The following CNTN5 variants were observed in gnomAD, a reference collection of about 807,000 sequenced individuals.
CNTN5 encodes the protein contactin-5.
A neutral mutation model predicts 129.1 loss-of-function variants in CNTN5; 77 were observed. That is an observed-to-expected ratio of 0.60 (90% CI 0.50 to 0.72). The LOEUF is 0.72. Among genes scored for constraint, CNTN5 ranks in the 30% least tolerant of loss-of-function variants. CNTN5 has a pLI of 0.00. For synonymous variants in CNTN5, 509 were observed against 465.6 expected (o/e 1.09, Z -1.20); for missense variants, 1,478 against 1,328.8 (o/e 1.11, Z -1.75).
chr11:99,490,594 G>T (rs1055518161), intron 2 of CNTN5, among the ~76,000 whole-genome samples: 1 of 152,142 alleles, frequency 6.6e-6, no homozygotes, highest in African/African-American at 2.4e-5. Context: ...TGATCCCAGT[G>T]AGTAGAAGTG....
At chr11:100,121,405 A>G (rs1019238376) in intron 13 of CNTN5, among the ~76,000 whole-genome samples, 1 of 151,812 alleles carries the variant, frequency 6.6e-6, no homozygotes, top group Non-Finnish European at 1.5e-5. Context: ...AAGGAAATAG[A>G]GGAGATTTTT....
At chr11:99,400,664 C>T (rs1448220331) in intron 2 of CNTN5, among the ~76,000 whole-genome samples, 1 of 152,072 alleles carries the variant, frequency 6.6e-6, no homozygotes, top group Admixed American at 6.6e-5. Flanking sequence ...AAACCCTTCT[C>T]CAAAGTGGGT....
intron 7 of CNTN5, among the ~76,000 whole-genome samples, chr11:99,950,712 A>G (rs999332655): frequency 6.6e-5 from 10 of 152,320 alleles, no homozygotes; most frequent in South Asian, 4.1e-4. Flanking sequence ...TAGCTCCCCT[A>G]TTGAGCAGTT....
chr11:99,391,152 A>G (rs1941238938), intron 2 of CNTN5, among the ~76,000 whole-genome samples: 3 of 152,150 alleles, frequency 2.0e-5, no homozygotes, highest in Admixed American at 6.6e-5. Context: ...ACAATGTGAA[A>G]GGTAAAGTCT....
chr11:99,840,112 T>C (rs558944724), intron 4 of CNTN5, among the ~76,000 whole-genome samples: 1 of 152,262 alleles, frequency 6.6e-6, no homozygotes. Flanking sequence ...TTAAAAATGA[T>C]GACAGTTAGG....
At chr11:99,508,098 G>T (rs1189987251) in intron 2 of CNTN5, among the ~76,000 whole-genome samples, 1 of 152,176 alleles carries the variant, frequency 6.6e-6, no homozygotes, top group Non-Finnish European at 1.5e-5. Context: ...TGTTAGGACA[G>T]AGTTATGTTT....
chr11:100,174,599 G>A (rs1288196743), intron 13 of CNTN5, among the ~76,000 whole-genome samples: 2 of 152,106 alleles, frequency 1.3e-5, no homozygotes, highest in Admixed American at 6.6e-5. Context: ...TGCCTGTGAC[G>A]AATACCTTGT....
At chr11:99,448,634 T>G (rs1457549352) in intron 2 of CNTN5, among the ~76,000 whole-genome samples, 2 of 152,016 alleles carry the variant, frequency 1.3e-5, no homozygotes, top group Non-Finnish European at 2.9e-5. Flanking sequence ...ATTCTGCACC[T>G]GAAAATGCCT....
intron 2 of CNTN5, among the ~76,000 whole-genome samples, chr11:99,403,008 CT>C (rs56376015): frequency 2.1e-5 from 3 of 142,154 alleles, no homozygotes; most frequent in African/African-American, 5.1e-5. Flanking sequence ...TGTTAAACTT[CT>C]TTTTTTTTTT....
intron 2 of CNTN5, among the ~76,000 whole-genome samples, chr11:99,548,808 C>T (rs1948383727): frequency 6.6e-6 from 1 of 152,044 alleles, no homozygotes; most frequent in South Asian, 2.1e-4. Flanking sequence ...TTTCCATTTT[C>T]AATATGATGT....
chr11:100,022,604 G>A (rs528443003), intron 9 of CNTN5, among the ~76,000 whole-genome samples: 2 of 152,248 alleles, frequency 1.3e-5, no homozygotes, highest in East Asian at 3.9e-4. Context: ...ATTTGTCCAT[G>A]TAGTTACCAT....
chr11:100,098,157 C>G (rs1248504354), intron 13 of CNTN5, among the ~76,000 whole-genome samples: 4 of 151,938 alleles, frequency 2.6e-5, no homozygotes, highest in Non-Finnish European at 5.9e-5. Context: ...GACTTTAAAG[C>G]TTCTGTCCAA....
intron 8 of CNTN5, among the ~76,000 whole-genome samples, chr11:100,000,790 C>A (rs1939815681): frequency 6.6e-6 from 1 of 152,178 alleles, no homozygotes; most frequent in Non-Finnish European, 1.5e-5. Flanking sequence ...GGTTGCCAAA[C>A]CTGAACTCTT....
At chr11:99,733,665 C>A (rs1201543842) in intron 3 of CNTN5, among the ~76,000 whole-genome samples, 3 of 152,122 alleles carry the variant, frequency 2.0e-5, no homozygotes, top group Non-Finnish European at 4.4e-5. Flanking sequence ...TGTATTGAAC[C>A]TGTGAGAATC....
Position 100,334,607 on chromosome 11 carries a change from A to G in CNTN5, c.2731-5856A>G, listed in dbSNP as rs150553438. Reference sequence around the variant, plus strand: ...AATCCTGCTCAGCCATATTAAAAAAAAGAATGAAATAATGGCTTCACAGCA... The same window carrying G: ...AATCCTGCTCAGCCATATTAAAAAAGAGAATGAAATAATGGCTTCACAGCA... On this transcript the variant is annotated intron_variant, in intron 21 of 24. Transcript: ENST00000524871. Among the ~76,000 whole-genome samples the G allele has an allele frequency of 1.8e-3, 277 of 152,324 alleles. 1 individual carries two copies. The highest frequency in any genetic ancestry group is 6.3e-3 in the African/African-American group (264 of 41,578).
chr11:99,221,329 A>G (rs1459649014), intron 1 of CNTN5, among the ~76,000 whole-genome samples: 1 of 151,992 alleles, frequency 6.6e-6, no homozygotes, highest in African/African-American at 2.4e-5. Flanking sequence ...AGGCTATCTC[A>G]GAGACACAGG....
At chr11:100,205,821 A>G (rs1948900828) in intron 15 of CNTN5, among the ~76,000 whole-genome samples, 1 of 152,096 alleles carries the variant, frequency 6.6e-6, no homozygotes, top group African/African-American at 2.4e-5. Flanking sequence ...TATTTCATAT[A>G]AGGGACTTGA....
chr11:99,429,622 GA>G (rs1943277816), intron 2 of CNTN5, among the ~76,000 whole-genome samples: 1 of 151,932 alleles, frequency 6.6e-6, no homozygotes, highest in Admixed American at 6.6e-5. Flanking sequence ...TTTTTTTAAG[GA>G]GTACAATTTT....
At chr11:99,293,170 T>A (rs761818966) in intron 1 of CNTN5, among the ~76,000 whole-genome samples, 2 of 152,132 alleles carry the variant, frequency 1.3e-5, no homozygotes, top group Non-Finnish European at 2.9e-5. Flanking sequence ...CTTTGGGGCA[T>A]CTGTGGAAAT....
Sources: gnomAD v4.1 joint callset for allele counts (sites outside exome capture counted in the v4.1 genomes callset) on GRCh38, gnomAD v4.1.1 for gene constraint, MANE v1.5 for transcripts, NCBI Gene and HGNC (gene_info 2026-07-23, HGNC 2026-07-21) for gene names.